The following DHCR7 variants were observed in gnomAD, a reference collection of about 807,000 sequenced individuals.
DHCR7 encodes the protein 7-dehydrocholesterol reductase, also known as 7-DHC reductase.
DHCR7 carries 40 observed loss-of-function variants against 43.3 expected under a neutral mutation model. That is an observed-to-expected ratio of 0.92 (90% confidence interval 0.72 to 1.20). The LOEUF is 1.20. DHCR7 is among the 50% of genes most tolerant of loss of function. The probability of loss-of-function intolerance (pLI) is 0.00; values close to 1 mark genes in which losing one functional copy is unlikely to be tolerated. For missense variants in DHCR7, 608 were observed against 644.6 expected (o/e 0.94, Z 0.62); for synonymous variants, 298 against 271.4 (o/e 1.10, Z -0.96).
At chr11:71,438,689 C>G in intron 7 of DHCR7, 190 bp downstream of exon 7, 2 of 661,670 alleles carry the variant, frequency 3.0e-6, no homozygotes, top group East Asian at 5.5e-5. Flanking sequence ...CCAGGGCTGG[C>G]AGAGACAGGC....
downstream of DHCR7, among the ~76,000 whole-genome samples, chr11:71,429,926 G>T (rs1033292717): frequency 2.0e-5 from 3 of 152,192 alleles, no homozygotes; most frequent in Admixed American, 6.5e-5. Context: ...GTGGCTCATT[G>T]TTGAATTTGA....
At chr11:71,437,549 G>A (rs542149637) in intron 8 of DHCR7, among the ~76,000 whole-genome samples, 10 of 152,236 alleles carry the variant, frequency 6.6e-5, no homozygotes, top group South Asian at 2.1e-4. Flanking sequence ...GCCAGTGCCC[G>A]CACTGACCCA....
At chr11:71,432,009 A>G (rs1949230747), downstream of DHCR7, among the ~76,000 whole-genome samples, 1 of 152,206 alleles carries the variant, frequency 6.6e-6, no homozygotes, top group African/African-American at 2.4e-5. Context: ...TTGTTTTTAC[A>G]GAGATGGGGT....
In DHCR7 at chr11:71,437,909, G is replaced by A. The variant is rs121909765; in HGVS notation, c.866C>T (p.Thr289Ile). The A allele has an allele frequency of 2.1e-5, 34 of 1,613,770 alleles. No homozygotes were observed. The highest frequency in any genetic ancestry group is 2.7e-5 in the Non-Finnish European group (32 of 1,180,022). ...IYVIDFFWNE[T>I]WYLKTIDICH... ...GATGTCAATGGTCTTCAGGTACCAG[G>A]TTTCGTTCCAGAAGAAGTCAATCAC... The change falls in exon 8 of 9, where the codon ACC (threonine) becomes ATC (isoleucine). Residue 289 changes from threonine to isoleucine, a missense_variant. Thr to Ile is a moderately conservative substitution (Grantham distance 89, BLOSUM62 -1). Transcript: ENST00000355527.
Position 71,447,512 on chromosome 11 carries a change from C to G in DHCR7, c.-7+98G>C, listed in dbSNP as rs956116087. The G allele has an allele frequency of 2.6e-5, 4 of 152,182 alleles. No homozygotes were observed. The East Asian group carries it at 7.7e-4, about 29-fold the overall frequency. The allele number at this position is 152,182 out of a possible 1,614,324, so 9.4% of individuals were successfully genotyped here. A position where few individuals can be genotyped will look rare whatever the true frequency, so the allele number is the denominator to read the frequency against. On this transcript the variant is annotated intron_variant, in intron 2 of 8. Coordinates refer to ENST00000355527, the MANE Select transcript of DHCR7 (RefSeq NM_001360.3). ...TTTACTCATAAGAGGCACAGACAGT[C>G]GTTGGCACTCGAGAGCTGGTGGACC...
Position 71,435,841 on chromosome 11 carries a change from T to TG in DHCR7, c.964-3dup, listed in dbSNP as rs1305056733. 1 of 1,599,422 alleles carries TG rather than the reference T, an allele frequency of 6.3e-7. No individual in the cohort carries two copies. Among genetic ancestry groups the TG allele is most frequent in the Non-Finnish European group, 8.5e-7 (1 of 1,173,912 alleles). ...GGGGTGGTACACCAAGTACAGACCC[T>TG]GGGGGGCGAGGGGGAAGGGGTCAAG... On this transcript the variant is annotated splice_region_variant and splice_polypyrimidine_tract_variant and intron_variant, in intron 8 of 8. Transcript: ENST00000355527.
intron 8 of DHCR7, among the ~76,000 whole-genome samples, chr11:71,436,928 G>A (rs924883303): frequency 1.3e-5 from 2 of 152,214 alleles, no homozygotes; most frequent in Non-Finnish European, 2.9e-5. Flanking sequence ...CTATTGCTAC[G>A]TTTTCACATC....
downstream of DHCR7, among the ~76,000 whole-genome samples, chr11:71,429,833 G>A (rs184740203): frequency 6.6e-6 from 1 of 152,176 alleles, no homozygotes; most frequent in Non-Finnish European, 1.5e-5. Context: ...CAGCTTCCCT[G>A]TGTGTCCAGG....
intron 8 of DHCR7, 121 bp downstream of exon 8, chr11:71,437,691 C>T (rs1949299618): frequency 1.4e-6 from 2 of 1,444,614 alleles, no homozygotes; most frequent in Admixed American, 1.9e-5. Flanking sequence ...ACGAGGCCTT[C>T]CCTTCTTCCT....
chr11:71,431,410 G>A (rs1949226991), downstream of DHCR7, among the ~76,000 whole-genome samples: 1 of 152,180 alleles, frequency 6.6e-6, no homozygotes, highest in African/African-American at 2.4e-5. Context: ...GCATTTGGCT[G>A]CCTCCTGTCG....
At chr11:71,432,244 TAGG>T (rs1160696902), downstream of DHCR7, among the ~76,000 whole-genome samples, 5 of 152,338 alleles carry the variant, frequency 3.3e-5, no homozygotes, top group South Asian at 1.0e-3. Context: ...ACGTACTGTT[TAGG>T]AGAACACTGG....
rs1489461951 is a variant in DHCR7, at chr11:71,439,100, A to T, written c.627-17T>A. On this transcript the variant is annotated splice_polypyrimidine_tract_variant and intron_variant, in intron 6 of 8. Coordinates refer to ENST00000355527, the MANE Select transcript of DHCR7 (RefSeq NM_001360.3). ...GTGAATTTGCTTAAAAATATAAATAAAAGATACATTTAGTGGATGAGCATA... is the reference window on the plus strand; with the variant it reads ...GTGAATTTGCTTAAAAATATAAATATAAGATACATTTAGTGGATGAGCATA... 3.1e-6 allele frequency: 5 copies of T among 1,608,012 alleles called. No individual in the cohort carries two copies. The highest frequency in any genetic ancestry group is 4.3e-6 in the Non-Finnish European group (5 of 1,175,878).
chr11:71,430,828 T>G (rs1949224170), downstream of DHCR7, among the ~76,000 whole-genome samples: 1 of 151,930 alleles, frequency 6.6e-6, no homozygotes, highest in Non-Finnish European at 1.5e-5. Flanking sequence ...GGATGGGGAG[T>G]GCATGCTGAT....
chr11:71,435,853 G>C lies in DHCR7; in HGVS notation c.964-14C>G. 1 of 1,593,652 alleles carries C rather than the reference G, an allele frequency of 6.3e-7. No homozygotes were observed. Among genetic ancestry groups the C allele is most frequent in the Non-Finnish European group, 8.5e-7 (1 of 1,171,388 alleles). On this transcript the variant is annotated splice_polypyrimidine_tract_variant and intron_variant, in intron 8 of 8. Transcript: ENST00000355527. ...CAAGTACAGACCCTGGGGGGCGAGG[G>C]GGAAGGGGTCAAGCGGTGCTTTGCC...
chr11:71,442,804 G>A (rs1265277880), intron 4 of DHCR7, among the ~76,000 whole-genome samples: 1 of 152,150 alleles, frequency 6.6e-6, no homozygotes, highest in Non-Finnish European at 1.5e-5. Flanking sequence ...TTACAGGTGT[G>A]CACCACCACA....
At chr11:71,446,498 G>T (rs1466645169) in intron 2 of DHCR7, among the ~76,000 whole-genome samples, 1 of 152,182 alleles carries the variant, frequency 6.6e-6, no homozygotes, top group East Asian at 1.9e-4. Flanking sequence ...AAACAAGTAG[G>T]TACAAACAAC....
In DHCR7 at chr11:71,435,619, A is replaced by G; in HGVS notation, c.1184T>C (p.Leu395Pro). The G allele has an allele frequency of 6.2e-7, 1 of 1,610,976 alleles. No homozygotes were observed. The highest frequency in any genetic ancestry group is 8.5e-7 in the Non-Finnish European group (1 of 1,179,802). Residue 395 changes from leucine (L) to proline (P), a missense_variant, in exon 9 of 9, where the codon CTG becomes CCG. Physicochemically the swap from Leu to Pro is moderately conservative, Grantham distance 98. Coordinates refer to ENST00000355527, the MANE Select transcript of DHCR7 (RefSeq NM_001360.3). The part of the protein sequence containing the change: ...ADGQRHHSKL[L>P]VSGFWGVARH... ...GGCCACGCCCCAGAAGCCCGACACC[A>G]GCAGCTTGCTGTGGTGCCTCTGCCC... is the stretch of plus-strand genomic sequence containing the variant.
intron 8 of DHCR7, 65 bp from the exon 9 acceptor site, chr11:71,435,904 C>T (rs375658179): frequency 1.1e-5 from 16 of 1,422,788 alleles, no homozygotes; most frequent in Admixed American, 5.6e-5. Flanking sequence ...AGTGTGGGCT[C>T]GGGGGCCCAG....
Position 71,435,173 on chromosome 11 carries a change from C to G in DHCR7, c.*202G>C, listed in dbSNP as rs996784278. On this transcript the variant is annotated 3_prime_UTR_variant, in exon 9 of 9. Coordinates refer to ENST00000355527, the MANE Select transcript of DHCR7 (RefSeq NM_001360.3). The stretch of plus-strand genomic sequence containing the variant: ...CGTCTGTGCTGGCAATACGGCAGTG[C>G]TGGACACTCGGAATTCCCTTGAAGG... 1.4e-6 allele frequency: 1 copy of G among 708,024 alleles called. No individual in the cohort carries two copies. Among genetic ancestry groups the G allele is most frequent in the Non-Finnish European group, 2.6e-6 (1 of 391,484 alleles). The allele number at this position is 708,024 out of a possible 1,614,324, so 43.9% of individuals were successfully genotyped here. A position where few individuals can be genotyped will look rare whatever the true frequency, so the allele number is the denominator to read the frequency against.
Sources: gnomAD v4.1 joint callset for allele counts (sites outside exome capture counted in the v4.1 genomes callset) on GRCh38, gnomAD v4.1.1 for gene constraint, MANE v1.5 for transcripts, NCBI Gene and HGNC (gene_info 2026-07-23, HGNC 2026-07-21) for gene names.